Variants in BMERB1 observed in about 807,000 individuals in gnomAD.
The protein encoded by BMERB1 is bMERB domain-containing protein 1.
In BMERB1, 12 loss-of-function variants were observed where a neutral mutation model predicts 23.6. The ratio of observed to expected loss-of-function variants is 0.51; its 90% CI spans 0.33 to 0.82. The LOEUF (loss-of-function observed/expected upper bound fraction) is 0.82. Among genes scored for constraint, BMERB1 ranks in the 40% least tolerant of loss-of-function variants. The pLI is 0.03. For missense variants in BMERB1, 247 were observed against 255.4 expected (o/e 0.97, Z 0.22); for synonymous variants, 122 against 96.6 (o/e 1.26, Z -1.54).
chr16:15,513,809 A>C (rs1212537473), intron 1 of BMERB1, among the ~76,000 whole-genome samples: 1 of 151,458 alleles, frequency 6.6e-6, no homozygotes, highest in South Asian at 2.1e-4. Context: ...CAGGAGAATC[A>C]CTCGAACCCG....
chr16:15,438,987 A>G (rs562702814), intron 1 of BMERB1, among the ~76,000 whole-genome samples: 1 of 152,330 alleles, frequency 6.6e-6, no homozygotes, highest in South Asian at 2.1e-4. Flanking sequence ...TAAAAAGAAG[A>G]CATGCTCTGT....
intron 1 of BMERB1, among the ~76,000 whole-genome samples, chr16:15,499,269 G>A (rs547518707): frequency 6.6e-6 from 1 of 152,166 alleles, no homozygotes; most frequent in African/African-American, 2.4e-5. Context: ...GAAGTGGCAG[G>A]CACCTGTAAT....
chr16:15,561,687 G>A (rs891492519), intron 2 of BMERB1, among the ~76,000 whole-genome samples: 3 of 152,154 alleles, frequency 2.0e-5, no homozygotes, highest in Non-Finnish European at 4.4e-5. Context: ...GAGGCTAGGA[G>A]TTCTAGACCA....
At chr16:15,459,313 A>G (rs575419121) in intron 1 of BMERB1, among the ~76,000 whole-genome samples, 4 of 152,206 alleles carry the variant, frequency 2.6e-5, no homozygotes, top group East Asian at 1.9e-4. Flanking sequence ...AAATACTCCA[A>G]TCAACAGGCA....
intron 1 of BMERB1, among the ~76,000 whole-genome samples, chr16:15,450,603 C>T (rs767207857): frequency 2.6e-5 from 4 of 151,988 alleles, no homozygotes; most frequent in East Asian, 1.9e-4. Context: ...CCCGAGTAGC[C>T]GGGATTACAG....
intron 2 of BMERB1, among the ~76,000 whole-genome samples, chr16:15,526,481 C>T (rs542412179): frequency 8.8e-4 from 133 of 151,896 alleles, no homozygotes; most frequent in African/African-American, 2.9e-3. Context: ...CTGGCTAACA[C>T]GGCGAAACCC....
Position 15,587,256 on chromosome 16 carries a change from TCTG to T in BMERB1, c.*430_*432del, listed in dbSNP as rs1266507433. 4.4e-6 allele frequency: 1 copy of T among 229,730 alleles called. No homozygotes were observed. The highest frequency in any genetic ancestry group is 1.3e-4 in the East Asian group (1 of 7,770). 14.2% of individuals were successfully genotyped at this position (229,730 alleles called of 1,614,324 possible). A position where few individuals can be genotyped will look rare whatever the true frequency, so the allele number is the denominator to read the frequency against. ...CACGTTCCCCATCCACCCTCCTAGC[TCTG>T]CTCTCAGAGCTAGGCACATGGGCAC... On this transcript the variant is annotated 3_prime_UTR_variant, in exon 6 of 6. Transcript: ENST00000300006.
chr16:15,541,727 G>A (rs1288064329), intron 2 of BMERB1, among the ~76,000 whole-genome samples: 15 of 146,136 alleles, frequency 1.0e-4, no homozygotes, highest in African/African-American at 2.5e-4. Flanking sequence ...TCAGCCTCCC[G>A]AGTAGCTGGG....
intron 2 of BMERB1, among the ~76,000 whole-genome samples, chr16:15,541,073 A>G (rs2052073457): frequency 6.6e-6 from 1 of 151,846 alleles, no homozygotes; most frequent in Non-Finnish European, 1.5e-5. Flanking sequence ...CTGCCTGGCC[A>G]ATTACAAACT....
intron 5 of BMERB1, chr16:15,584,092 A>G: frequency 1.4e-6 from 1 of 701,320 alleles, no homozygotes; most frequent in Non-Finnish European, 2.6e-6. Context: ...TTTTATATGA[A>G]ATAAGTTTGA....
intron 1 of BMERB1, among the ~76,000 whole-genome samples, chr16:15,473,873 A>C (rs1299176606): frequency 6.6e-6 from 1 of 152,044 alleles, no homozygotes; most frequent in Admixed American, 6.5e-5. Context: ...TAATCCCAGC[A>C]CTTTGGGAGG....
intron 2 of BMERB1, among the ~76,000 whole-genome samples, chr16:15,538,969 C>G (rs2052053489): frequency 6.6e-6 from 1 of 152,180 alleles, no homozygotes; most frequent in African/African-American, 2.4e-5. Flanking sequence ...GGACTGGTTT[C>G]ATGGAAGACA....
intron 3 of BMERB1, among the ~76,000 whole-genome samples, chr16:15,576,312 G>C (rs1463667178): frequency 6.6e-6 from 1 of 152,102 alleles, no homozygotes; most frequent in African/African-American, 2.4e-5. Context: ...CTACCAAAGT[G>C]CTGGAATTAC....
chr16:15,525,890 A>T (rs193145976), intron 2 of BMERB1, among the ~76,000 whole-genome samples: 3 of 152,324 alleles, frequency 2.0e-5, no homozygotes, highest in African/African-American at 7.2e-5. Flanking sequence ...ATGAAAATAT[A>T]GGGAAATTGG....
intron 1 of BMERB1, among the ~76,000 whole-genome samples, chr16:15,513,215 G>A (rs2051694700): frequency 6.6e-6 from 1 of 152,154 alleles, no homozygotes; most frequent in East Asian, 1.9e-4. Flanking sequence ...TTTTCACTTT[G>A]AGAACGTTCT....
intron 1 of BMERB1, among the ~76,000 whole-genome samples, chr16:15,467,431 T>C (rs990798775): frequency 3.9e-5 from 6 of 152,218 alleles, no homozygotes; most frequent in African/African-American, 1.4e-4. Context: ...GCATTTTCTT[T>C]ATATCTAATG....
intron 2 of BMERB1, among the ~76,000 whole-genome samples, chr16:15,559,301 C>T (rs2030353452): frequency 6.6e-6 from 1 of 152,192 alleles, no homozygotes. Context: ...TGGCTTCCAT[C>T]AAGGCAGGGC....
At chr16:15,581,570 A>G (rs534762493) in intron 4 of BMERB1, among the ~76,000 whole-genome samples, 19 of 152,234 alleles carry the variant, frequency 1.2e-4, no homozygotes, top group African/African-American at 4.3e-4. Context: ...GGAAGTGACC[A>G]GGGAGGAGTC....
chr16:15,544,196 G>T (rs187276751), intron 2 of BMERB1, among the ~76,000 whole-genome samples: 104 of 152,318 alleles, frequency 6.8e-4, no homozygotes, highest in Non-Finnish European at 9.7e-4. Context: ...CATTAAAGAT[G>T]CTGATGAGTC....
Sources: allele counts gnomAD v4.1 joint callset (sites outside exome capture counted in the v4.1 genomes callset), GRCh38; gene constraint gnomAD v4.1.1; transcripts MANE v1.5; gene names NCBI Gene and HGNC (gene_info 2026-07-23, HGNC 2026-07-21).